The following MCTP2 variants were observed in gnomAD, a reference collection of about 807,000 sequenced individuals.
MCTP2 encodes the protein multiple C2 and transmembrane domain-containing protein 2.
MCTP2 carries 132 observed loss-of-function variants against 111.6 expected under a neutral mutation model. That is an observed-to-expected ratio of 1.18 (90% CI 1.03 to 1.37). The LOEUF is 1.37. Among genes scored for constraint, MCTP2 ranks in the 40% most tolerant of loss-of-function variants. The pLI is 0.00. For missense variants in MCTP2, 1,183 were observed against 1,067.9 expected, an observed-to-expected ratio of 1.11 and a Z score of -1.50; for synonymous variants, 395 against 387.7, an observed-to-expected ratio of 1.02 and a Z score of -0.22.
intron 1 of MCTP2, chr15:94,273,763 C>A: frequency 5.3e-6 from 1 of 187,462 alleles, no homozygotes; most frequent in South Asian, 1.3e-4. Flanking sequence ...CATGCACACC[C>A]ACACACACTT....
At chr15:94,425,200 CTT>C (rs1197187616) in intron 17 of MCTP2, among the ~76,000 whole-genome samples, 7 of 152,108 alleles carry the variant, frequency 4.6e-5, no homozygotes, top group African/African-American at 9.7e-5. Context: ...CTTGGTATCA[CTT>C]ATTGAATATT....
At chr15:94,243,424 T>C (rs201566786) in intron 1 of MCTP2, among the ~76,000 whole-genome samples, 1,613 of 130,352 alleles carry the variant, frequency 0.012, 208 homozygotes, top group Admixed American at 0.039. Flanking sequence ...CGTATGCGTA[T>C]ATGCGTATGT....
At chr15:94,405,788 G>A (rs1381710341) in intron 17 of MCTP2, among the ~76,000 whole-genome samples, 2 of 152,134 alleles carry the variant, frequency 1.3e-5, no homozygotes, top group Non-Finnish European at 2.9e-5. Context: ...TTCTCATTTT[G>A]TCTTCTGGGT....
chr15:94,355,802 G>A (rs2078588465), intron 8 of MCTP2: 1 of 499,336 alleles, frequency 2.0e-6, no homozygotes, highest in South Asian at 8.6e-5. Flanking sequence ...CTGTTGCCCA[G>A]AATGTCTTTC....
At chr15:94,426,093 A>G (rs2082874408) in intron 17 of MCTP2, among the ~76,000 whole-genome samples, 1 of 150,804 alleles carries the variant, frequency 6.6e-6, no homozygotes, top group South Asian at 2.1e-4. Context: ...TTGACCATTG[A>G]TTATTTTCAG....
intron 1 of MCTP2, among the ~76,000 whole-genome samples, chr15:94,282,613 C>G (rs961422348): frequency 6.6e-6 from 1 of 152,226 alleles, no homozygotes; most frequent in Admixed American, 6.5e-5. Flanking sequence ...AGAAGATACT[C>G]TGGCTTTTAG....
chr15:94,463,626 T>TGTA (rs2085346446), intron 20 of MCTP2, among the ~76,000 whole-genome samples: 2 of 152,208 alleles, frequency 1.3e-5, no homozygotes, highest in African/African-American at 4.8e-5. Flanking sequence ...TGGTTTAGAA[T>TGTA]TGGTATTTTG....
intron 17 of MCTP2, among the ~76,000 whole-genome samples, chr15:94,410,174 T>C (rs1033918340): frequency 1.3e-5 from 2 of 152,204 alleles, no homozygotes; most frequent in African/African-American, 4.8e-5. Flanking sequence ...GATGGTATTC[T>C]TCAAATTCAG....
chr15:94,455,690 G>A (rs2084784532), intron 19 of MCTP2, among the ~76,000 whole-genome samples: 1 of 152,074 alleles, frequency 6.6e-6, no homozygotes, highest in African/African-American at 2.4e-5. Flanking sequence ...CTCTCAAAGT[G>A]CTGGGCTTAC....
chr15:94,298,066 A>G, intron 1 of MCTP2, 135 bp from the exon 2 acceptor site: 1 of 449,598 alleles, frequency 2.2e-6, no homozygotes, highest in African/African-American at 2.0e-5. Context: ...CAAATGTTGC[A>G]GTCTTAATCA....
At chr15:94,317,942 A>T (rs1430279458) in intron 4 of MCTP2, among the ~76,000 whole-genome samples, 2 of 152,012 alleles carry the variant, frequency 1.3e-5, no homozygotes, top group African/African-American at 4.8e-5. Context: ...TTCTATTATT[A>T]TTATAAATGT....
rs566088620 is a variant in MCTP2, at chr15:94,355,435, T to G, written c.1006-702T>G. On this transcript the variant is annotated intron_variant, in intron 8 of 22. Coordinates refer to ENST00000357742, the MANE Select transcript of MCTP2 (RefSeq NM_001385001.1). ...TCTATTTACAACTTATAACAGGACATTTGCCTTTTTCCTCCAAGGTATGTA... is the reference window on the plus strand; with the variant it reads ...TCTATTTACAACTTATAACAGGACAGTTGCCTTTTTCCTCCAAGGTATGTA... Among the ~76,000 whole-genome samples the G allele has an allele frequency of 2.0e-5, 3 of 152,360 alleles. No homozygotes were observed. In the East Asian group the frequency reaches 5.8e-4, roughly 29 times the overall value.
chr15:94,321,710 T>G (rs1282102055), intron 4 of MCTP2, among the ~76,000 whole-genome samples: 1 of 152,198 alleles, frequency 6.6e-6, no homozygotes, highest in African/African-American at 2.4e-5. Context: ...TGCAGGAGGT[T>G]AGGGGTGCCA....
intron 20 of MCTP2, among the ~76,000 whole-genome samples, chr15:94,466,817 T>C (rs1199509402): frequency 2.0e-5 from 3 of 152,280 alleles, no homozygotes; most frequent in South Asian, 4.1e-4. Flanking sequence ...TAGTCATGGC[T>C]TTTTTTCTGT....
rs1441529207 is a variant in MCTP2, at chr15:94,455,442, G to T, written c.2251-2695G>T. ...AGTGCTCATAGACAGTGTTCTTTCTGTTGTTTTTTTTTTTTAGACGGAGTC... is the reference window on the plus strand; with the variant it reads ...AGTGCTCATAGACAGTGTTCTTTCTTTTGTTTTTTTTTTTTAGACGGAGTC... On this transcript the variant is annotated intron_variant, in intron 19 of 22. Transcript: ENST00000357742. Among the ~76,000 whole-genome samples the T allele has an allele frequency of 2.0e-5, 3 of 151,124 alleles. No individual in the cohort carries two copies. The East Asian group carries it at 5.8e-4, about 29-fold the overall frequency.
intron 1 of MCTP2, among the ~76,000 whole-genome samples, chr15:94,290,837 G>A (rs1460105247): frequency 1.3e-5 from 2 of 152,218 alleles, no homozygotes; most frequent in Non-Finnish European, 2.9e-5. Context: ...TGATTGAAGG[G>A]TTAGTTCGGG....
chr15:94,471,761 A>G (rs1368693061), intron 21 of MCTP2, among the ~76,000 whole-genome samples: 1 of 149,466 alleles, frequency 6.7e-6, no homozygotes, highest in African/African-American at 2.5e-5. Flanking sequence ...CATATTTTGA[A>G]AAAAAAAAAA....
chr15:94,449,677 G>T (rs186111512), intron 19 of MCTP2, among the ~76,000 whole-genome samples: 1 of 152,312 alleles, frequency 6.6e-6, no homozygotes, highest in Non-Finnish European at 1.5e-5. Context: ...GAGGAGAAAT[G>T]CTAGGTGAGG....
chr15:94,385,261 G>A (rs918050670), intron 13 of MCTP2, among the ~76,000 whole-genome samples, 162 bp from the exon 14 acceptor site: 1 of 152,012 alleles, frequency 6.6e-6, no homozygotes, highest in African/African-American at 2.4e-5. Flanking sequence ...TGGAAGGTTT[G>A]GGAATACAGT....
Sources: gnomAD v4.1 joint callset for allele counts (sites outside exome capture counted in the v4.1 genomes callset) on GRCh38, gnomAD v4.1.1 for gene constraint, MANE v1.5 for transcripts, NCBI Gene and HGNC (gene_info 2026-07-23, HGNC 2026-07-21) for gene names.